Variants in SCN3A observed in about 807,000 individuals in gnomAD.
SCN3A encodes sodium channel protein type 3 subunit alpha.
In SCN3A, 60 loss-of-function variants were observed where a neutral mutation model predicts 187.6. That is an observed-to-expected ratio of 0.32 (90% CI 0.26 to 0.40). SCN3A has a LOEUF of 0.40. Among genes scored for constraint, SCN3A ranks in the 10% least tolerant of loss-of-function variants. The pLI is 1.00. For missense variants in SCN3A, 1,601 were observed against 2,428.2 expected (o/e 0.66, Z 7.16); for synonymous variants, 788 against 829.2 (o/e 0.95, Z 0.85).
chr2:165,088,858 C>T lies in SCN3A; in HGVS notation c.*1292G>A, dbSNP rs920764026. On this transcript the variant is annotated 3_prime_UTR_variant, in exon 28 of 28. Coordinates refer to ENST00000283254, the MANE Select transcript of SCN3A (RefSeq NM_006922.4). ...CAGTAGGCAGTATCCAGTGTGTTTC[C>T]TTGAAATCTAGAGAGATACCATATG... 2.0e-5 allele frequency: 3 copies of T among 152,378 alleles called. No homozygotes were observed. Among genetic ancestry groups the T allele is most frequent in the African/African-American group, 7.2e-5 (3 of 41,384 alleles). The allele number at this position is 152,378 out of a possible 1,614,324, so 9.4% of individuals were successfully genotyped here.
Position 165,131,219 on chromosome 2 carries a change from G to C in SCN3A, c.2565+25C>G, listed in dbSNP as rs185456062. ...CAAAATAAATGTTGTGCCAATGAGC[G>C]ACAGGGATATATATAAATAGATACC... is the stretch of plus-strand genomic sequence containing the variant. On this transcript the variant is annotated intron_variant, in intron 16 of 27. Transcript: ENST00000283254. 1.4e-3 allele frequency: 2,060 copies of C among 1,465,424 alleles called. 30 individuals carry two copies. The African/African-American group carries it at 0.025, about 18-fold the overall frequency. The allele number at this position is 1,465,424 out of a possible 1,614,324, so 90.8% of individuals were successfully genotyped here. A position where few individuals can be genotyped will look rare whatever the true frequency, so the allele number is the denominator to read the frequency against.
At position 165,158,542 on chromosome 2, in the gene SCN3A, AT is replaced by A. The variant is rs1268830772; in HGVS notation, c.1032-2640del. The stretch of plus-strand genomic sequence containing the variant: ...GAACAGGTTCTCACCCTAAAAAAAA[AT>A]CCCCTTTGCTTTACCTAGATAATCC... On this transcript the variant is annotated intron_variant, in intron 9 of 27. Coordinates refer to ENST00000283254, the MANE Select transcript of SCN3A (RefSeq NM_006922.4). Among the ~76,000 whole-genome samples the A allele has an allele frequency of 1.5e-5, 2 of 136,432 alleles. 1 individual carries two copies. Among genetic ancestry groups the A allele is most frequent in the African/African-American group, 6.0e-5 (2 of 33,378 alleles). The allele number at this position is 136,432 out of a possible 152,430, so 89.5% of individuals were successfully genotyped here.
chr2:165,100,457 C>T lies in SCN3A; in HGVS notation c.3844-33G>A, dbSNP rs371830717. On this transcript the variant is annotated intron_variant, in intron 21 of 27. Coordinates refer to ENST00000283254, the MANE Select transcript of SCN3A (RefSeq NM_006922.4). ...AGGAAAAAAAAATTAATTAGTTCAC[C>T]AAGAAATAAACTGTTGACTGAAGGT... is the stretch of plus-strand genomic sequence containing the variant. 3.0e-5 allele frequency: 48 copies of T among 1,604,978 alleles called. No homozygotes were observed. The African/African-American group carries it at 5.3e-4, about 18-fold the overall frequency.
At chr2:165,174,903 A>G (rs1690352250) in intron 3 of SCN3A, among the ~76,000 whole-genome samples, 1 of 152,256 alleles carries the variant, frequency 6.6e-6, no homozygotes. Context: ...GACTTTAAAT[A>G]AAACATTAAA....
At chr2:165,156,452 G>A (rs1689040438) in intron 9 of SCN3A, among the ~76,000 whole-genome samples, 2 of 145,520 alleles carry the variant, frequency 1.4e-5, no homozygotes, top group Non-Finnish European at 3.0e-5. Flanking sequence ...GGTGGAGCTT[G>A]CAGTGAGCCG....
intron 11 of SCN3A, among the ~76,000 whole-genome samples, chr2:165,149,438 G>A (rs752566389): frequency 6.6e-6 from 1 of 152,078 alleles, no homozygotes; most frequent in East Asian, 1.9e-4. Context: ...GCCTCCCAAA[G>A]TGCTGGGATT....
chr2:165,090,889 A>G lies in SCN3A; in HGVS notation c.5264T>C (p.Ile1755Thr), dbSNP rs763009016. The part of the protein sequence containing the change: ...SVGIFFFVSY[I>T]IISFLVVVNM... ...CACCACAACCAGGAAGGATATGATG[A>G]TGTAACTGACAAAAAAGAAAATCCC... The change falls in exon 28 of 28, where the codon ATC becomes ACC. Residue 1755 changes from isoleucine (I) to threonine (T), a missense_variant. This residue lies in a region of SCN3A where 320 missense variants were observed against 623.2 expected (regional missense o/e 0.51). Transcript: ENST00000283254. The surrounding 1 kb of genome is among the most constrained non-coding windows in gnomAD (Gnocchi z 4.0). The G allele has an allele frequency of 1.1e-5, 17 of 1,613,992 alleles. No individual in the cohort carries two copies. The highest frequency in any genetic ancestry group is 1.4e-5 in the Non-Finnish European group (17 of 1,180,028).
At chr2:165,185,517 T>C (rs767205144) in intron 2 of SCN3A, among the ~76,000 whole-genome samples, 5 of 152,196 alleles carry the variant, frequency 3.3e-5, no homozygotes, top group African/African-American at 1.2e-4. Flanking sequence ...CCCTTTTCTA[T>C]TGGGATAAAA....
Position 165,092,414 on chromosome 2 carries a change from G to T in SCN3A, c.4647C>A (p.Asp1549Glu), listed in dbSNP as rs1410704610. The T allele has an allele frequency of 6.2e-7, 1 of 1,613,878 alleles. No individual in the cohort carries two copies. Among genetic ancestry groups the T allele is most frequent in the Non-Finnish European group, 8.5e-7 (1 of 1,179,968 alleles). The change falls in exon 27 of 28, where the codon GAC (aspartate) becomes GAA (glutamate). Residue 1549 changes from aspartate (D) to glutamate (E), a missense_variant. By Grantham distance (45) the Asp-to-Glu change is conservative (BLOSUM62 2). Around this residue, in one of 11 missense-constraint regions of SCN3A, gnomAD observed 320 missense variants for 623.2 expected, o/e 0.51. Transcript: ENST00000283254. The surrounding 1 kb of genome is among the most constrained non-coding windows in gnomAD (Gnocchi z 4.2). ...AAACTAGGGTCATGTATTTGCCCTGGTCATCCGTTTCCACCATCATGGTGA... is the reference window on the plus strand; with the variant it reads ...AAACTAGGGTCATGTATTTGCCCTGTTCATCCGTTTCCACCATCATGGTGA... ...NMVTMMVETD[D>E]QGKYMTLVLS...
intron 9 of SCN3A, among the ~76,000 whole-genome samples, chr2:165,156,512 C>CAAAAAAAAAAAAAAA (rs558407270): frequency 3.1e-5 from 2 of 63,706 alleles, no homozygotes; most frequent in African/African-American, 5.4e-5. Flanking sequence ...GACTCTGACT[C>CAAAAAAAAAAAAAAA]AAAAAAAAAA....
intron 17 of SCN3A, among the ~76,000 whole-genome samples, chr2:165,129,181 A>G (rs1239547661): frequency 1.3e-5 from 2 of 152,196 alleles, no homozygotes; most frequent in Non-Finnish European, 2.9e-5. Flanking sequence ...GGAAAGGCCC[A>G]ATATGATGGC....
At chr2:165,171,959 T>C (rs1028515761) in intron 3 of SCN3A, among the ~76,000 whole-genome samples, 1 of 152,152 alleles carries the variant, frequency 6.6e-6, no homozygotes, top group Non-Finnish European at 1.5e-5. Flanking sequence ...AAGACATCTA[T>C]TCTGTATATC....
rs1685086041 is a variant in SCN3A at position 165,091,212 on chromosome 2, A to C, written c.4941T>G (p.Ala1647=). The C allele has an allele frequency of 8.7e-6, 14 of 1,614,026 alleles. No homozygotes were observed. The highest frequency in any genetic ancestry group is 1.7e-5 in the Admixed American group (1 of 59,984). ...ACAACGCAGGAAGGGACATCATCAA[A>C]GCAAAGAGCAGCGTGCGGATCCCCT... ...GAKGIRTLLF[A]LMMSLPALFN... is the part of the protein sequence containing the mutation. Residue 1647 remains alanine (A), a synonymous_variant, in exon 28 of 28, where the codon GCT becomes GCG. Coordinates refer to ENST00000283254, the MANE Select transcript of SCN3A (RefSeq NM_006922.4).
intron 1 of SCN3A, among the ~76,000 whole-genome samples, chr2:165,188,362 G>A (rs1425607624): frequency 1.3e-5 from 2 of 151,926 alleles, no homozygotes; most frequent in African/African-American, 2.4e-5. Context: ...CTTCACTTTA[G>A]GCCACATACT....
In SCN3A at chr2:165,127,929, C is replaced by G. The variant is rs147300771; in HGVS notation, c.3095G>C (p.Arg1032Thr). ...ATGGATTTCTATAACTTTTGGCTTTCTAAAAAAGGCTTTTTGGAAACACTC... is the reference window on the plus strand; with the variant it reads ...ATGGATTTCTATAACTTTTGGCTTTGTAAAAAAGGCTTTTTGGAAACACTC... ...MRECFQKAFF[R>T]KPKVIEIHEG... Residue 1032 changes from arginine (R) to threonine (T), a missense_variant, in exon 18 of 28, where the codon AGA becomes ACA. Around this residue, in one of 11 missense-constraint regions of SCN3A, gnomAD observed 267 missense variants for 313.2 expected, o/e 0.85. Coordinates refer to ENST00000283254, the MANE Select transcript of SCN3A (RefSeq NM_006922.4). The G allele has an allele frequency of 6.9e-5, 111 of 1,613,892 alleles. No individual in the cohort carries two copies. Among genetic ancestry groups the G allele is most frequent in the Non-Finnish European group, 8.9e-5 (105 of 1,180,014 alleles).
chr2:165,106,766 G>A (rs1685880770), intron 21 of SCN3A, among the ~76,000 whole-genome samples: 3 of 152,158 alleles, frequency 2.0e-5, no homozygotes, highest in South Asian at 2.1e-4. Flanking sequence ...TAGAATGCTG[G>A]CTGATGAATT....
intron 11 of SCN3A, among the ~76,000 whole-genome samples, chr2:165,148,490 A>G (rs1256358243): frequency 6.6e-6 from 1 of 152,058 alleles, no homozygotes; most frequent in Admixed American, 6.6e-5. Context: ...AGTAGTTTTC[A>G]TTTTTAAACT....
intron 2 of SCN3A, among the ~76,000 whole-genome samples, chr2:165,178,723 A>C (rs192606255): frequency 6.6e-6 from 1 of 152,276 alleles, no homozygotes; most frequent in African/African-American, 2.4e-5. Flanking sequence ...GTTGGGCAGC[A>C]CATTTTTTTT....
At chr2:165,178,519 T>C (rs1690617986) in intron 2 of SCN3A, among the ~76,000 whole-genome samples, 1 of 152,202 alleles carries the variant, frequency 6.6e-6, no homozygotes, top group African/African-American at 2.4e-5. Context: ...GGTGAGCCAA[T>C]GCACTGGGCC....
Sources: allele counts gnomAD v4.1 joint callset (sites outside exome capture counted in the v4.1 genomes callset), GRCh38; gene constraint gnomAD v4.1.1; regional missense constraint gnomAD v4.1.1; non-coding constraint Gnocchi (gnomAD v3.1); transcripts MANE v1.5; gene names NCBI Gene and HGNC (gene_info 2026-07-23, HGNC 2026-07-21).